TENM4: variants seen among roughly 807,000 people sequenced by gnomAD.
TENM4 encodes teneurin-4.
A neutral mutation model predicts 243.3 loss-of-function variants in TENM4; 82 were observed. The ratio of observed to expected loss-of-function variants is 0.34; its 90% CI spans 0.28 to 0.40. The LOEUF (loss-of-function observed/expected upper bound fraction) is 0.40. Ranked by LOEUF, TENM4 falls within the 10% of genes least tolerant of loss-of-function variation. The pLI, the probability that TENM4 is intolerant of heterozygous loss-of-function variation, is 1.00. For missense variants in TENM4, 3,138 were observed against 3,673.3 expected (o/e 0.85, Z 3.77); for synonymous variants, 1,412 against 1,456.3 (o/e 0.97, Z 0.69).
rs1402919968 is a variant in TENM4, at chr11:79,181,851, T to C, written c.-162-33045A>G. ...AATTAAAAACACATTACCGTTTACA[T>C]TAGCACCACCCAAATGAAATACTTA... On this transcript the variant is annotated intron_variant, in intron 3 of 33. Transcript: ENST00000278550. Among the ~76,000 whole-genome samples, 5 of 151,992 alleles carry C rather than the reference T, an allele frequency of 3.3e-5. No homozygotes were observed. The East Asian group carries it at 7.7e-4, about 23-fold the overall frequency.
chr11:79,251,002 A>T (rs184041651), intron 2 of TENM4, among the ~76,000 whole-genome samples: 3 of 152,342 alleles, frequency 2.0e-5, no homozygotes, highest in African/African-American at 4.8e-5. Flanking sequence ...CACCAAAACT[A>T]TATAGAAATG....
At chr11:79,157,521 C>T (rs898188049) in intron 3 of TENM4, among the ~76,000 whole-genome samples, 2 of 152,134 alleles carry the variant, frequency 1.3e-5, no homozygotes, top group African/African-American at 4.8e-5. Flanking sequence ...GTAAAGAAGA[C>T]CCAGGTCTTG....
At chr11:79,124,893 A>ATGTGTGTGTGTGTGTG (rs71050209) in intron 4 of TENM4, among the ~76,000 whole-genome samples, 4 of 111,746 alleles carry the variant, frequency 3.6e-5, no homozygotes, top group Non-Finnish European at 8.0e-5. Flanking sequence ...GTATATGTAT[A>ATGTGTGTGTGTGTGTG]TGTGTGTGTG....
intron 6 of TENM4, among the ~76,000 whole-genome samples, chr11:79,057,291 G>A (rs1015807178): frequency 1.3e-5 from 2 of 151,796 alleles, no homozygotes; most frequent in Admixed American, 6.6e-5. Flanking sequence ...CCCCTCTTTG[G>A]CCTCCTCTAC....
intron 6 of TENM4, among the ~76,000 whole-genome samples, chr11:79,026,107 G>C (rs1859071397): frequency 6.6e-6 from 1 of 152,204 alleles, no homozygotes; most frequent in Non-Finnish European, 1.5e-5. Context: ...GGCAGTGCCT[G>C]GCCAGGTGTG....
chr11:79,376,767 A>G (rs906601451), intron 1 of TENM4, among the ~76,000 whole-genome samples: 3 of 152,116 alleles, frequency 2.0e-5, no homozygotes, highest in African/African-American at 7.2e-5. Context: ...CCAGGGTGGT[A>G]TGTCCCCTCA....
In TENM4 at chr11:78,738,437, A is replaced by G. The variant is rs1394693853; in HGVS notation, c.2876+14T>C. ...GGGACCTTCACTGTTTCTGGCTCAT[A>G]GAAGGTCTCCTACCTGCCATCTTGC... is the stretch of plus-strand genomic sequence containing the variant. On this transcript the variant is annotated intron_variant, in intron 20 of 33. Coordinates refer to ENST00000278550, the MANE Select transcript of TENM4 (RefSeq NM_001098816.3). 1.2e-6 allele frequency: 2 copies of G among 1,611,908 alleles called. No individual in the cohort carries two copies. The highest frequency in any genetic ancestry group is 1.7e-6 in the Non-Finnish European group (2 of 1,179,018).
At chr11:78,712,857 C>A in intron 25 of TENM4, 143 bp from the exon 26 acceptor site, 4 of 767,352 alleles carry the variant, frequency 5.2e-6, no homozygotes, top group Non-Finnish European at 8.2e-6. Flanking sequence ...GTGATGGTTC[C>A]CCAATTTTTC....
chr11:79,138,171 T>C (rs1005088012), intron 4 of TENM4, among the ~76,000 whole-genome samples: 3 of 150,750 alleles, frequency 2.0e-5, no homozygotes, highest in Non-Finnish European at 4.4e-5. Context: ...TCTCTCATGC[T>C]GGATGCTTCC....
rs1298190370 is a variant in TENM4 at position 78,805,326 on chromosome 11, A to C, written c.2145T>G (p.Cys715Trp). The change falls in exon 15 of 34, where the codon TGT becomes TGG. Residue 715 changes from cysteine (C) to tryptophan (W), a missense_variant. Around this residue, in one of 2 missense-constraint regions of TENM4, gnomAD observed 2,467 missense variants for 3,059.1 expected, o/e 0.81. Transcript: ENST00000278550. ...AGTCGTGTCCAGTCCAGCTTGGGTCACAGCTGCAAAGCCCGGTGTCCGGGA... is the reference window on the plus strand; with the variant it reads ...AGTCGTGTCCAGTCCAGCTTGGGTCCCAGCTGCAAAGCCCGGTGTCCGGGA... Reference protein sequence around the residue: ...TFLPDTGLCSCDPSWTGHDCS... With the variant: ...TFLPDTGLCSWDPSWTGHDCS... The C allele has an allele frequency of 9.5e-7, 1 of 1,053,762 alleles. No individual in the cohort carries two copies. Among genetic ancestry groups the C allele is most frequent in the South Asian group, 2.2e-5 (1 of 45,910 alleles). The allele number at this position is 1,053,762 out of a possible 1,614,324, so 65.3% of individuals were successfully genotyped here.
chr11:79,312,784 C>G (rs1388220723), intron 1 of TENM4, among the ~76,000 whole-genome samples: 1 of 152,206 alleles, frequency 6.6e-6, no homozygotes, highest in East Asian at 1.9e-4. Context: ...TGGACACCTG[C>G]AGAGTGGATC....
intron 19 of TENM4, among the ~76,000 whole-genome samples, chr11:78,751,975 G>A (rs965738499): frequency 6.6e-5 from 10 of 152,254 alleles, no homozygotes; most frequent in African/African-American, 1.4e-4. Context: ...GATGGGACCC[G>A]GGCATCCAGG....
At chr11:79,375,181 G>A (rs1857867735) in intron 1 of TENM4, among the ~76,000 whole-genome samples, 1 of 152,198 alleles carries the variant, frequency 6.6e-6, no homozygotes, top group Non-Finnish European at 1.5e-5. Context: ...TTCCTAGTGA[G>A]CCTGTAATGT....
At chr11:79,093,243 T>A (rs1356272674) in intron 4 of TENM4, 1 of 151,456 alleles carries the variant, frequency 6.6e-6, no homozygotes, top group African/African-American at 2.4e-5. Context: ...CTAGTGGTAA[T>A]CATGTGACCC....
intron 3 of TENM4, among the ~76,000 whole-genome samples, chr11:79,153,989 T>G (rs981269091): frequency 2.6e-5 from 4 of 152,130 alleles, no homozygotes; most frequent in African/African-American, 9.7e-5. Context: ...GCTTTCAGAC[T>G]CAAAAACACT....
chr11:79,197,355 A>ATTTT (rs1565245686), intron 3 of TENM4, among the ~76,000 whole-genome samples: 39,287 of 145,090 alleles, frequency 0.27, 5,214 homozygotes, highest in South Asian at 0.3. Flanking sequence ...TTTTTTTTTA[A>ATTTT]AAAGCCCCTG....
At chr11:79,193,880 G>A (rs891672182) in intron 3 of TENM4, among the ~76,000 whole-genome samples, 1 of 152,156 alleles carries the variant, frequency 6.6e-6, no homozygotes, top group Non-Finnish European at 1.5e-5. Context: ...TTGGAGGTTG[G>A]GGGCAGCCCA....
chr11:78,856,264 C>T, intron 10 of TENM4, 86 bp from the exon 11 acceptor site: 1 of 1,164,750 alleles, frequency 8.6e-7, no homozygotes, highest in South Asian at 1.4e-5. Context: ...ACACCCGGGA[C>T]TCTCCTTAGC....
intron 4 of TENM4, among the ~76,000 whole-genome samples, chr11:79,088,425 A>C (rs1341387202): frequency 6.6e-6 from 1 of 152,222 alleles, no homozygotes; most frequent in African/African-American, 2.4e-5. Flanking sequence ...AAAGGGGTGC[A>C]TAGCAGCCCA....
Sources: allele counts gnomAD v4.1 joint callset (sites outside exome capture counted in the v4.1 genomes callset), GRCh38; gene constraint gnomAD v4.1.1; regional missense constraint gnomAD v4.1.1; transcripts MANE v1.5; gene names NCBI Gene and HGNC (gene_info 2026-07-23, HGNC 2026-07-21).